Variants in MPP4 observed in about 807,000 individuals in gnomAD.
The protein encoded by MPP4 is MAGUK p55 scaffold protein 4.
A neutral mutation model predicts 98.3 loss-of-function variants in MPP4; 91 were observed. The observed-to-expected ratio is 0.93, with a 90% CI of 0.78 to 1.10. The LOEUF is 1.10. Among genes scored for constraint, MPP4 ranks in the 50% least tolerant of loss-of-function variants. The pLI is 0.00. For missense variants in MPP4, 744 were observed against 792.9 expected, an observed-to-expected ratio of 0.94 and a Z score of 0.74; for synonymous variants, 261 against 271.8, an observed-to-expected ratio of 0.96 and a Z score of 0.39.
intron 12 of MPP4, among the ~76,000 whole-genome samples, chr2:201,668,294 T>C (rs906895431): frequency 6.6e-6 from 1 of 152,186 alleles, no homozygotes; most frequent in Admixed American, 6.5e-5. Flanking sequence ...TATTCATATG[T>C]TGAAGCCCTT....
At chr2:201,650,964 C>T in intron 18 of MPP4, 1 of 985,328 alleles carries the variant, frequency 1.0e-6, no homozygotes, top group Non-Finnish European at 1.2e-6. Flanking sequence ...TCTGCTCATT[C>T]ATTTATTCAA....
Position 201,656,341 on chromosome 2 carries a change from C to A in MPP4, c.1157G>T (p.Cys386Phe). 1 of 1,554,432 alleles carries A rather than the reference C, an allele frequency of 6.4e-7. No individual in the cohort carries two copies. The highest frequency in any genetic ancestry group is 1.2e-5 in the South Asian group (1 of 84,168). Residue 386 changes from cysteine to phenylalanine, a missense_variant, in exon 17 of 22, where the codon TGT becomes TTT. Coordinates refer to ENST00000409474, the MANE Select transcript of MPP4 (RefSeq NM_033066.3). The part of the protein sequence containing the change: ...IAGFRRSMRL[C>F]RRKSHLSPLH... ...CGGGCTGAGGTGAGACTTCCTGCGACAAAGGCGCATGCTGCGGCGGAAGCC... is the reference window on the plus strand; with the variant it reads ...CGGGCTGAGGTGAGACTTCCTGCGAAAAAGGCGCATGCTGCGGCGGAAGCC...
chr2:201,675,105 T>C (rs531799730), intron 11 of MPP4, 102 bp downstream of exon 11: 3 of 1,230,342 alleles, frequency 2.4e-6, no homozygotes, highest in Admixed American at 4.0e-5. Flanking sequence ...CCATCTCCCA[T>C]GTGGCATGGC....
intron 7 of MPP4, 109 bp from the exon 8 acceptor site, chr2:201,683,025 A>C: frequency 1.4e-6 from 1 of 718,260 alleles, no homozygotes; most frequent in Non-Finnish European, 2.3e-6. Context: ...TGCTCTAAAA[A>C]TGTTTAATAT....
rs1688289668 is a variant in MPP4 at position 201,669,777 on chromosome 2, G to A, written c.995-27C>T. On this transcript the variant is annotated intron_variant, in intron 11 of 21. Transcript: ENST00000409474. ...TGAGTACAAGCAAATGATTGAAGCA[G>A]GGGGGATAAAAAGAACACAGTATCT... 5 of 1,376,446 alleles carry A rather than the reference G, an allele frequency of 3.6e-6. No individual in the cohort carries two copies. The Admixed American group carries it at 1.1e-4, about 30-fold the overall frequency. The allele number at this position is 1,376,446 out of a possible 1,614,324, so 85.3% of individuals were successfully genotyped here.
At chr2:201,655,039 T>C in intron 17 of MPP4, 122 bp from the exon 18 acceptor site, 1 of 622,744 alleles carries the variant, frequency 1.6e-6, no homozygotes, top group East Asian at 3.1e-5. Flanking sequence ...AGGGAAATTA[T>C]GTAACTTCCT....
intron 13 of MPP4, chr2:201,664,382 A>T: frequency 7.5e-7 from 1 of 1,337,602 alleles, no homozygotes; most frequent in Middle Eastern, 2.0e-4. Flanking sequence ...TAAAATGTAA[A>T]AAGCAGCTCA....
intron 7 of MPP4, among the ~76,000 whole-genome samples, chr2:201,683,131 G>T (rs61394752): frequency 0.026 from 3,898 of 151,062 alleles, 145 homozygotes; most frequent in African/African-American, 0.091. Context: ...TAAATACTTG[G>T]CATTGACTTA....
chr2:201,650,135 A>G lies in MPP4; in HGVS notation c.1412T>C (p.Met471Thr). Reference sequence around the variant, plus strand: ...CACATAGTGATACTCACGCCCATTCATTTCGTAACTCTTTTTAGTACGAGT... The same window carrying G: ...CACATAGTGATACTCACGCCCATTCGTTTCGTAACTCTTTTTAGTACGAGT... ...HTTRTKKSYE[M>T]NGREYHYVSK... The change falls in exon 19 of 22, where the codon ATG (methionine) becomes ACG (threonine). Residue 471 changes from methionine to threonine, a missense_variant. Transcript: ENST00000409474. The G allele has an allele frequency of 6.3e-7, 1 of 1,578,904 alleles. No individual in the cohort carries two copies. Among genetic ancestry groups the G allele is most frequent in the Non-Finnish European group, 8.6e-7 (1 of 1,160,182 alleles).
At chr2:201,687,426 C>T in intron 4 of MPP4, 55 bp from the exon 5 acceptor site, 2 of 1,339,160 alleles carry the variant, frequency 1.5e-6, no homozygotes, top group Non-Finnish European at 2.1e-6. Flanking sequence ...TTATCACCTA[C>T]TTAACCTCAC....
rs373439464 is a variant in MPP4, at chr2:201,650,133, T to G, written c.1414A>C (p.Asn472His). 6.3e-7 allele frequency: 1 copy of G among 1,579,478 alleles called. No homozygotes were observed. The highest frequency in any genetic ancestry group is 1.3e-5 in the African/African-American group (1 of 74,666). ...GACACATAGTGATACTCACGCCCAT[T>G]CATTTCGTAACTCTTTTTAGTACGA... is the stretch of plus-strand genomic sequence containing the variant. ...TTRTKKSYEM[N>H]GREYHYVSKE... The change falls in exon 19 of 22, where the codon AAT becomes CAT. Residue 472 changes from asparagine to histidine, a missense_variant. Asn to His is a moderately conservative substitution (Grantham distance 68). Coordinates refer to ENST00000409474, the MANE Select transcript of MPP4 (RefSeq NM_033066.3).
Position 201,664,086 on chromosome 2 carries a change from T to G in MPP4, c.1067A>C (p.Glu356Ala), listed in dbSNP as rs749912956. 9.8e-6 allele frequency: 15 copies of G among 1,523,302 alleles called. No homozygotes were observed. Among genetic ancestry groups the G allele is most frequent in the Non-Finnish European group, 1.3e-5 (15 of 1,125,378 alleles). The allele number at this position is 1,523,302 out of a possible 1,614,324, so 94.4% of individuals were successfully genotyped here. A position where few individuals can be genotyped will look rare whatever the true frequency, so the allele number is the denominator to read the frequency against. Residue 356 changes from glutamate to alanine, a missense_variant, in exon 14 of 22, where the codon GAA (glutamate) becomes GCA (alanine). By Grantham distance (107) the Glu-to-Ala change is moderately radical. Transcript: ENST00000409474. ...AATACTCATTTTTTACTTACCAGATTCAAATGTTTCTTCATCTATGATTTT... is the reference window on the plus strand; with the variant it reads ...AATACTCATTTTTTACTTACCAGATGCAAATGTTTCTTCATCTATGATTTT... ...KCVEADEETFESEELSEDKEE... is the reference protein window; with the variant it reads ...KCVEADEETFASEELSEDKEE...
intron 3 of MPP4, among the ~76,000 whole-genome samples, chr2:201,692,700 T>C (rs1367038683): frequency 6.6e-6 from 1 of 152,126 alleles, no homozygotes; most frequent in Non-Finnish European, 1.5e-5. Context: ...AGTTACCATT[T>C]AGGAACCAGA....
Position 201,647,756 on chromosome 2 carries a change from A to G in MPP4, c.1654T>C (p.Cys552Arg), listed in dbSNP as rs760099681. 8 of 1,613,986 alleles carry G rather than the reference A, an allele frequency of 5.0e-6. No homozygotes were observed. The highest frequency in any genetic ancestry group is 3.3e-4 in the Middle Eastern group (2 of 6,062). The change falls in exon 21 of 22, where the codon TGT becomes CGT. Residue 552 changes from cysteine to arginine, a missense_variant. Cys to Arg is a radical substitution (Grantham distance 180). Coordinates refer to ENST00000409474, the MANE Select transcript of MPP4 (RefSeq NM_033066.3). ...VIFIKPSNMR[C>R]MKQSRKNAKV... ...GCATTTTTCCGAGATTGTTTCATAC[A>G]CCTCATATTCGATGGCTTTATAAAT... is the stretch of plus-strand genomic sequence containing the variant.
At chr2:201,686,180 G>A in intron 5 of MPP4, 130 bp from the exon 6 acceptor site, 3 of 1,069,254 alleles carry the variant, frequency 2.8e-6, no homozygotes, top group Non-Finnish European at 3.9e-6. Flanking sequence ...CAGACACAGT[G>A]CGAAGCATTT....
rs781306170 is a variant in MPP4, at chr2:201,647,844, T to C, written c.1585-19A>G. The C allele has an allele frequency of 6.9e-6, 11 of 1,589,564 alleles. No homozygotes were observed. The African/African-American group carries it at 1.3e-4, about 19-fold the overall frequency. ...GAATATCCTACACAGAAAATTTAAA[T>C]GCACATTTATTTTTTGTTTGTTTTG... On this transcript the variant is annotated intron_variant, in intron 20 of 21. Coordinates refer to ENST00000409474, the MANE Select transcript of MPP4 (RefSeq NM_033066.3).
At chr2:201,669,109 TGTGTGTGTGTGTGA>T (rs910750402) in intron 12 of MPP4, among the ~76,000 whole-genome samples, 15 of 87,030 alleles carry the variant, frequency 1.7e-4, no homozygotes, top group Admixed American at 3.8e-4. Flanking sequence ...TGTGTGTGTG[TGTGTGTGTGTGTGA>T]GAGAGAGAGA....
intron 2 of MPP4, 24 bp downstream of exon 2, chr2:201,693,852 A>T: frequency 6.2e-7 from 1 of 1,613,664 alleles, no homozygotes; most frequent in Non-Finnish European, 8.5e-7. Flanking sequence ...TCTGGTCTAG[A>T]AAAGGAGTCC....
chr2:201,697,257 T>C (rs1327915902), intron 1 of MPP4, among the ~76,000 whole-genome samples: 2 of 152,218 alleles, frequency 1.3e-5, no homozygotes, highest in Admixed American at 6.5e-5. Context: ...TTTAAGCCAC[T>C]GTCTATGGTA....
Sources: allele counts gnomAD v4.1 joint callset (sites outside exome capture counted in the v4.1 genomes callset), GRCh38; gene constraint gnomAD v4.1.1; transcripts MANE v1.5; gene names NCBI Gene and HGNC (gene_info 2026-07-23, HGNC 2026-07-21).